Variants in TPO observed in about 807,000 individuals in gnomAD.
The protein encoded by TPO is thyroid microsomal antigen.
Under a neutral mutation model 96.9 loss-of-function variants are expected in TPO, and 78 were observed. The observed-to-expected ratio is 0.81, with a 90% CI of 0.67 to 0.97. The LOEUF is 0.97. Ranked by LOEUF, TPO falls within the 50% of genes least tolerant of loss-of-function variation. The pLI, the probability that TPO is intolerant of heterozygous loss-of-function variation, is 0.00. For synonymous variants in TPO, 547 were observed against 538.0 expected, an observed-to-expected ratio of 1.02 and a Z score of -0.23; for missense variants, 1,252 against 1,274.8, an observed-to-expected ratio of 0.98 and a Z score of 0.27.
intron 1 of TPO, among the ~76,000 whole-genome samples, chr2:1,375,765 A>T (rs1661713120): frequency 6.6e-6 from 1 of 152,014 alleles, no homozygotes; most frequent in Non-Finnish European, 1.5e-5. Flanking sequence ...GAGCACCCTC[A>T]TTTCCAACCC....
chr2:1,516,964 C>T lies in TPO; in HGVS notation c.2600C>T (p.Ser867Leu), dbSNP rs1296531286. Residue 867 changes from serine (S) to leucine (L), a missense_variant, in exon 15 of 17, where the codon TCG becomes TTG. Physicochemically the swap from Ser to Leu is moderately radical, Grantham distance 145. Coordinates refer to ENST00000329066, the MANE Select transcript of TPO (RefSeq NM_001206744.2). ...ATCGGAGGCTTCGCAGGTCTCACCTCGACGGTGATTTGCAGGTGGTAAGTC... is the reference window on the plus strand; with the variant it reads ...ATCGGAGGCTTCGCAGGTCTCACCTTGACGGTGATTTGCAGGTGGTAAGTC... ...LLIGGFAGLTSTVICRWTRTG... is the reference protein window; with the variant it reads ...LLIGGFAGLTLTVICRWTRTG... 1.6e-5 allele frequency: 26 copies of T among 1,613,852 alleles called. No homozygotes were observed. The highest frequency in any genetic ancestry group is 2.0e-5 in the Non-Finnish European group (24 of 1,180,042).
intron 15 of TPO, among the ~76,000 whole-genome samples, chr2:1,534,683 C>G (rs1393183527): frequency 3.4e-5 from 5 of 147,752 alleles, no homozygotes; most frequent in Non-Finnish European, 4.5e-5. Flanking sequence ...CTCTGTGCAA[C>G]TTCCAAAAAT....
At chr2:1,452,075 A>G (rs1160382803) in intron 5 of TPO, among the ~76,000 whole-genome samples, 2 of 152,064 alleles carry the variant, frequency 1.3e-5, no homozygotes, top group African/African-American at 4.8e-5. Context: ...TATGTATTTT[A>G]TTTTGCATGT....
rs1667524862 is a variant in TPO at position 1,453,706 on chromosome 2, A to G, written c.495A>G (p.Arg165=). 3.1e-6 allele frequency: 5 copies of G among 1,613,898 alleles called. No homozygotes were observed. Among genetic ancestry groups the G allele is most frequent in the Non-Finnish European group, 4.2e-6 (5 of 1,180,022 alleles). ...TGACNNRDHP[R]WGASNTALAR... Reference sequence around the variant, plus strand: ...TTTGTCTCCACAGAGACCACCCCAGATGGGGCGCCTCCAACACGGCCCTGG... The same window carrying G: ...TTTGTCTCCACAGAGACCACCCCAGGTGGGGCGCCTCCAACACGGCCCTGG... The change falls in exon 6 of 17, where the codon AGA becomes AGG. Residue 165 remains arginine, a synonymous_variant. Transcript: ENST00000329066.
At chr2:1,538,186 G>A (rs1558444006) in intron 15 of TPO, among the ~76,000 whole-genome samples, 1 of 150,852 alleles carries the variant, frequency 6.6e-6, no homozygotes, top group Non-Finnish European at 1.5e-5. Flanking sequence ...CCCCTGCAGG[G>A]AGTGGCTTCT....
At chr2:1,465,440 A>G (rs1389150347) in intron 7 of TPO, among the ~76,000 whole-genome samples, 1 of 152,028 alleles carries the variant, frequency 6.6e-6, no homozygotes, top group Non-Finnish European at 1.5e-5. Flanking sequence ...ATGAAGAATG[A>G]TGGTGGTATT....
At chr2:1,410,614 A>G (rs555482490), upstream of TPO, among the ~76,000 whole-genome samples, 27 of 152,196 alleles carry the variant, frequency 1.8e-4, no homozygotes, top group Admixed American at 4.6e-4. Flanking sequence ...TCCCCAGGAT[A>G]TCAAATAGTT....
intron 10 of TPO, among the ~76,000 whole-genome samples, chr2:1,490,362 G>A (rs1348341585): frequency 3.6e-5 from 1 of 27,778 alleles, no homozygotes; most frequent in East Asian, 1.2e-3. Flanking sequence ...TGTAAGAGCC[G>A]CCACGTGGGT....
At chr2:1,500,623 C>T (rs1046616672) in intron 13 of TPO, among the ~76,000 whole-genome samples, 2 of 152,016 alleles carry the variant, frequency 1.3e-5, no homozygotes, top group Non-Finnish European at 2.9e-5. Flanking sequence ...ATTCGCTGCT[C>T]TCTTCTCTAT....
At chr2:1,489,065 C>T (rs998338492) in intron 10 of TPO, among the ~76,000 whole-genome samples, 28 of 151,844 alleles carry the variant, frequency 1.8e-4, no homozygotes, top group Non-Finnish European at 4.4e-5. Flanking sequence ...CGCACATGCC[C>T]GGCACATGCC....
chr2:1,480,025 G>A (rs541651024), intron 8 of TPO, among the ~76,000 whole-genome samples: 43 of 152,082 alleles, frequency 2.8e-4, no homozygotes, highest in Non-Finnish European at 4.9e-4. Flanking sequence ...CAAGTGATCC[G>A]CCTGCCTCAG....
chr2:1,537,847 CTGTGTG>C (rs1680194209), intron 15 of TPO, among the ~76,000 whole-genome samples: 1 of 46,760 alleles, frequency 2.1e-5, no homozygotes, highest in Non-Finnish European at 4.4e-5. Context: ...AATCCCCCCA[CTGTGTG>C]CAATCTCAAA....
At chr2:1,535,436 A>C (rs1294723381) in intron 15 of TPO, among the ~76,000 whole-genome samples, 2 of 75,204 alleles carry the variant, frequency 2.7e-5, no homozygotes, top group African/African-American at 5.0e-5. Context: ...AACCTCCCCA[A>C]ATCCCCCCCA....
chr2:1,457,616 G>C (rs1667952007), intron 7 of TPO, among the ~76,000 whole-genome samples: 1 of 151,776 alleles, frequency 6.6e-6, no homozygotes, highest in Non-Finnish European at 1.5e-5. Context: ...GTATGATAGT[G>C]TGTGGGCAGA....
rs558377824 is a variant in TPO at position 1,418,608 on chromosome 2, A to ATGTTCTTCACCAGAACCCTGTG, written c.94+4108_94+4129dup. Among the ~76,000 whole-genome samples, 16 of 152,364 alleles carry ATGTTCTTCACCAGAACCCTGTG rather than the reference A, an allele frequency of 1.1e-4. No homozygotes were observed. The South Asian group carries it at 1.7e-3, about 16-fold the overall frequency. On this transcript the variant is annotated intron_variant, in intron 2 of 16. Coordinates refer to ENST00000329066, the MANE Select transcript of TPO (RefSeq NM_001206744.2). The stretch of plus-strand genomic sequence containing the variant: ...TCCCTCCTCTAACGCCCTGAACAGA[A>ATGTTCTTCACCAGAACCCTGTG]TGTTCTTCACCAGAACCCTGTGTAT...
chr2:1,459,782 G>A (rs1489577390), intron 7 of TPO, among the ~76,000 whole-genome samples: 1 of 152,172 alleles, frequency 6.6e-6, no homozygotes, highest in Non-Finnish European at 1.5e-5. Context: ...TTTCAGCCAG[G>A]TCCAGCCTCT....
intron 1 of TPO, among the ~76,000 whole-genome samples, chr2:1,391,570 A>T (rs1662001250): frequency 6.6e-6 from 1 of 152,166 alleles, no homozygotes; most frequent in African/African-American, 2.4e-5. Flanking sequence ...TGGTAGCTTG[A>T]TGGGGATGGC....
chr2:1,535,496 T>C (rs1679419980), intron 15 of TPO, among the ~76,000 whole-genome samples: 1 of 32,678 alleles, frequency 3.1e-5, no homozygotes, highest in African/African-American at 1.2e-4. Flanking sequence ...CCTCCGCCTA[T>C]CCCTCCCACT....
intron 13 of TPO, among the ~76,000 whole-genome samples, chr2:1,497,783 A>G (rs1349399874): frequency 1.3e-5 from 2 of 152,198 alleles, no homozygotes; most frequent in African/African-American, 4.8e-5. Context: ...GCACTTACCT[A>G]GACCGCAGAA....
Sources: gnomAD v4.1 joint callset for allele counts (sites outside exome capture counted in the v4.1 genomes callset) on GRCh38, gnomAD v4.1.1 for gene constraint, MANE v1.5 for transcripts, NCBI Gene and HGNC (gene_info 2026-07-23, HGNC 2026-07-21) for gene names.